The following COX7B2 variants were observed in gnomAD, a reference collection of about 807,000 sequenced individuals.
The protein encoded by COX7B2 is cytochrome c oxidase subunit 7B2, also known as cytochrome c oxidase subunit 7B2, mitochondrial.
For synonymous variants in COX7B2, 37 were observed against 32.1 expected (o/e 1.15, Z -0.51); for missense variants, 109 against 95.9 (o/e 1.14, Z -0.57).
At chr4:46,762,566 A>G (rs1716251941) in intron 2 of COX7B2, among the ~76,000 whole-genome samples, 1 of 147,748 alleles carries the variant, frequency 6.8e-6, no homozygotes, top group South Asian at 2.1e-4. Flanking sequence ...ATGCAATGAA[A>G]ATTTTAGATA....
At chr4:46,889,073 A>G (rs1215774294) in intron 1 of COX7B2, among the ~76,000 whole-genome samples, 1 of 152,216 alleles carries the variant, frequency 6.6e-6, no homozygotes, top group African/African-American at 2.4e-5. Flanking sequence ...CCTGTATCAA[A>G]ACATCTCATG....
chr4:46,748,129 G>T (rs1177676566), intron 2 of COX7B2, among the ~76,000 whole-genome samples: 2 of 152,094 alleles, frequency 1.3e-5, no homozygotes, highest in Admixed American at 6.6e-5. Context: ...ACCAATACTG[G>T]CCAATTCAAT....
At chr4:46,743,428 T>A (rs114315315) in intron 2 of COX7B2, among the ~76,000 whole-genome samples, 5 of 152,342 alleles carry the variant, frequency 3.3e-5, no homozygotes, top group African/African-American at 1.2e-4. Flanking sequence ...AATGTAGGAA[T>A]GTATTTCATT....
chr4:46,863,770 G>A (rs1199386564), intron 1 of COX7B2, among the ~76,000 whole-genome samples: 3 of 151,882 alleles, frequency 2.0e-5, no homozygotes, highest in Non-Finnish European at 1.5e-5. Flanking sequence ...TTATCTTAGA[G>A]GTCTATAAAA....
intron 2 of COX7B2, among the ~76,000 whole-genome samples, chr4:46,813,513 C>T (rs1173125211): frequency 1.3e-5 from 2 of 152,126 alleles, no homozygotes; most frequent in Non-Finnish European, 2.9e-5. Context: ...GATGAAAACA[C>T]ATGGACACAG....
chr4:46,785,936 TAAG>T (rs776122566), intron 2 of COX7B2, among the ~76,000 whole-genome samples: 84 of 152,296 alleles, frequency 5.5e-4, no homozygotes, highest in Non-Finnish European at 1.1e-3. Context: ...TCAGGATTGG[TAAG>T]AAGAATATAA....
intron 2 of COX7B2, among the ~76,000 whole-genome samples, chr4:46,812,103 G>A (rs1468922115): frequency 1.3e-5 from 2 of 152,138 alleles, no homozygotes; most frequent in Admixed American, 6.6e-5. Context: ...ATATAATACA[G>A]TATATAATAC....
intron 2 of COX7B2, among the ~76,000 whole-genome samples, chr4:46,812,817 G>A (rs1328367317): frequency 6.6e-6 from 1 of 152,192 alleles, no homozygotes; most frequent in Non-Finnish European, 1.5e-5. Flanking sequence ...TGGGTCAGCA[G>A]AGCCTCTGGA....
chr4:46,825,577 C>G (rs1232485737), intron 2 of COX7B2, among the ~76,000 whole-genome samples: 3 of 152,140 alleles, frequency 2.0e-5, no homozygotes, highest in African/African-American at 4.8e-5. Context: ...ATAGCCAAGA[C>G]AATCCTAAGC....
chr4:46,884,564 A>G (rs929890396), intron 1 of COX7B2, among the ~76,000 whole-genome samples: 1 of 152,134 alleles, frequency 6.6e-6, no homozygotes, highest in Admixed American at 6.5e-5. Context: ...TAGTTTATCC[A>G]TGATTGTTTC....
intron 2 of COX7B2, among the ~76,000 whole-genome samples, chr4:46,774,004 C>G (rs1717024203): frequency 6.6e-6 from 1 of 152,096 alleles, no homozygotes; most frequent in Non-Finnish European, 1.5e-5. Context: ...CTCTCTGACT[C>G]TGATTTTCCA....
At position 46,880,993 on chromosome 4, in the gene COX7B2, T is replaced by TAAAAAAAAAAAAA. The variant is rs1215385422; in HGVS notation, c.-105+28154_-105+28166dup. ...ATGTACCCTAAAACTTAGAGTATAA[T>TAAAAAAAAAAAAA]AAAAAAAAAAAAAAAAAACTCTTGG... On this transcript the variant is annotated intron_variant, in intron 1 of 2. Transcript: ENST00000355591. Among the ~76,000 whole-genome samples the TAAAAAAAAAAAAA allele has an allele frequency of 2.4e-3, 246 of 102,688 alleles. 1 individual carries two copies. The highest frequency in any genetic ancestry group is 6.3e-3 in the East Asian group (19 of 3,028). The allele number at this position is 102,688 out of a possible 152,430, so 67.4% of individuals were successfully genotyped here.
At chr4:46,801,631 G>T (rs1438385582) in intron 2 of COX7B2, among the ~76,000 whole-genome samples, 1 of 151,994 alleles carries the variant, frequency 6.6e-6, no homozygotes, top group African/African-American at 2.4e-5. Context: ...CCCACTACCT[G>T]GGTGAAAAAA....
At chr4:46,904,160 G>A (rs1720235945) in intron 1 of COX7B2, 1 of 151,978 alleles carries the variant, frequency 6.6e-6, no homozygotes, top group African/African-American at 2.4e-5. Context: ...TTTAAAATCT[G>A]GGGTGAAAAA....
chr4:46,761,908 C>T (rs114318491), intron 2 of COX7B2, among the ~76,000 whole-genome samples: 1,654 of 151,726 alleles, frequency 0.011, 18 homozygotes, highest in Middle Eastern at 0.041. Flanking sequence ...ACAACTGCTG[C>T]CTACTCACCT....
At chr4:46,776,439 T>C (rs1717160655) in intron 2 of COX7B2, among the ~76,000 whole-genome samples, 2 of 151,762 alleles carry the variant, frequency 1.3e-5, no homozygotes. Context: ...TGTCTGTGTG[T>C]CTGTGTGTGT....
intron 2 of COX7B2, among the ~76,000 whole-genome samples, chr4:46,749,452 G>T (rs1397475713): frequency 2.6e-5 from 4 of 151,954 alleles, no homozygotes; most frequent in Non-Finnish European, 5.9e-5. Flanking sequence ...CCTAAGAGAA[G>T]AAACATGACT....
intron 2 of COX7B2, among the ~76,000 whole-genome samples, chr4:46,800,041 T>C (rs982604678): frequency 6.6e-6 from 1 of 152,094 alleles, no homozygotes; most frequent in African/African-American, 2.4e-5. Flanking sequence ...TATTAGTCTC[T>C]TAAGAGTTTA....
intron 1 of COX7B2, among the ~76,000 whole-genome samples, chr4:46,869,146 A>T: frequency 6.6e-6 from 1 of 151,576 alleles, no homozygotes; most frequent in African/African-American, 2.4e-5. Flanking sequence ...GTCTTTTTTG[A>T]TCTTTGTTGG....
Sources: allele counts gnomAD v4.1 joint callset (sites outside exome capture counted in the v4.1 genomes callset), GRCh38; gene constraint gnomAD v4.1.1; transcripts MANE v1.5; gene names NCBI Gene and HGNC (gene_info 2026-07-23, HGNC 2026-07-21).